The following TMEM178B variants were observed in gnomAD, a reference collection of about 807,000 sequenced individuals.
The protein encoded by TMEM178B is transmembrane protein 178B.
A neutral mutation model predicts 31.0 loss-of-function variants in TMEM178B; 5 were observed. That is an observed-to-expected ratio of 0.16 (90% CI 0.08 to 0.34). The LOEUF is 0.34. Among genes scored for constraint, TMEM178B ranks in the 10% least tolerant of loss-of-function variants. TMEM178B has a pLI of 1.00. For missense variants in TMEM178B, 275 were observed against 400.3 expected, an observed-to-expected ratio of 0.69 and a Z score of 2.67; for synonymous variants, 164 against 164.0, an observed-to-expected ratio of 1.00 and a Z score of 0.00.
chr7:141,129,127 C>G (rs894022173), intron 1 of TMEM178B, among the ~76,000 whole-genome samples: 1 of 152,108 alleles, frequency 6.6e-6, no homozygotes, highest in African/African-American at 2.4e-5. Context: ...TCAGGGATGC[C>G]CTTGAGGGTA....
rs999313338 is a variant in TMEM178B at position 141,461,633 on chromosome 7, G to A, written c.635-8903G>A. ...AATTTTGATGCTGTTTCTCCACAGC[G>A]TCCATTGCTGTGTCATGACTGCCGT... On this transcript the variant is annotated intron_variant, in intron 3 of 3. Transcript: ENST00000565468. This position sits in a 1 kb window ranked among gnomAD's most constrained non-coding sequence, Gnocchi z 4.0. Among the ~76,000 whole-genome samples, 1 of 152,188 alleles carries A rather than the reference G, an allele frequency of 6.6e-6. No homozygotes were observed. The highest frequency in any genetic ancestry group is 2.1e-4 in the South Asian group (1 of 4,828).
rs555948632 is a variant in TMEM178B at position 141,234,737 on chromosome 7, A to G, written c.496+22033A>G. Among the ~76,000 whole-genome samples the G allele has an allele frequency of 9.2e-5, 14 of 152,204 alleles. No homozygotes were observed. In the East Asian group the frequency reaches 2.7e-3, roughly 29 times the overall value. ...CTCAAAATTGTTCTGTGCCATCTGC[A>G]CTCTCGTCTATGTGGCAGAGCCAAG... On this transcript the variant is annotated intron_variant, in intron 2 of 3. Coordinates refer to ENST00000565468, the MANE Select transcript of TMEM178B (RefSeq NM_001195278.2).
At chr7:141,251,708 T>C (rs927820972) in intron 2 of TMEM178B, among the ~76,000 whole-genome samples, 1 of 152,210 alleles carries the variant, frequency 6.6e-6, no homozygotes, top group African/African-American at 2.4e-5. Flanking sequence ...CACCCCGCAT[T>C]GTACCTATTA....
At position 141,281,123 on chromosome 7, in the gene TMEM178B, C is replaced by G. The variant is rs538502674; in HGVS notation, c.496+68419C>G. ...CTTTTTTTTTTGGATTCAAGGCACC[C>G]TGTTACCGGAGAGCCTGTGATAACT... On this transcript the variant is annotated intron_variant, in intron 2 of 3. Transcript: ENST00000565468. Among the ~76,000 whole-genome samples the G allele has an allele frequency of 5.7e-4, 86 of 152,192 alleles. 2 individuals carry two copies. The South Asian group carries it at 0.017, about 30-fold the overall frequency.
chr7:141,468,994 A>G (rs1038499131), intron 3 of TMEM178B, among the ~76,000 whole-genome samples: 5 of 152,170 alleles, frequency 3.3e-5, no homozygotes, highest in African/African-American at 1.2e-4. Context: ...CCTGGCGGGC[A>G]CCATCTTGTT....
chr7:141,494,896 G>A, the TMEM178B span, among the ~76,000 whole-genome samples: 2 of 152,192 alleles, frequency 1.3e-5, no homozygotes, highest in Non-Finnish European at 2.9e-5. Flanking sequence ...GATAATATAG[G>A]AGGTGAGGAA....
the TMEM178B span, among the ~76,000 whole-genome samples, chr7:141,509,388 G>T: frequency 6.6e-6 from 1 of 150,814 alleles, no homozygotes; most frequent in Admixed American, 6.6e-5. Context: ...GGTGGCTCAT[G>T]CATGTAATCC....
In TMEM178B at chr7:141,422,611, GT is replaced by G. The variant is rs1470352396; in HGVS notation, c.497-14994del. Among the ~76,000 whole-genome samples, 94 of 99,758 alleles carry G rather than the reference GT, an allele frequency of 9.4e-4. No individual in the cohort carries two copies. The highest frequency in any genetic ancestry group is 6.3e-3 in the Middle Eastern group (1 of 160). The allele number at this position is 99,758 out of a possible 152,430, so 65.4% of individuals were successfully genotyped here. On this transcript the variant is annotated intron_variant, in intron 2 of 3. Transcript: ENST00000565468. The surrounding 1 kb of genome is among the most constrained non-coding windows in gnomAD (Gnocchi z 4.2). ...GCATGAAACAGCCTCTGGCCTCATT[GT>G]TTCAGGCCACAGCTAGGCACCCTCC...
At chr7:141,154,322 C>A (rs1319303258) in intron 1 of TMEM178B, among the ~76,000 whole-genome samples, 1 of 152,200 alleles carries the variant, frequency 6.6e-6, no homozygotes, top group African/African-American at 2.4e-5. Flanking sequence ...TCAGGCCAGC[C>A]CATGCCACAT....
intron 2 of TMEM178B, among the ~76,000 whole-genome samples, chr7:141,312,098 C>A (rs1322742570): frequency 6.6e-6 from 1 of 152,234 alleles, no homozygotes; most frequent in African/African-American, 2.4e-5. Context: ...TACTTATTCT[C>A]ACATTTCCCA....
rs1032242512 is a variant in TMEM178B, at chr7:141,335,260, C to T, written c.497-102348C>T. 3.3e-5 allele frequency among the ~76,000 whole-genome samples: 5 copies of T among 152,202 alleles called. No individual in the cohort carries two copies. In the South Asian group the frequency reaches 1.0e-3, roughly 32 times the overall value. On this transcript the variant is annotated intron_variant, in intron 2 of 3. Coordinates refer to ENST00000565468, the MANE Select transcript of TMEM178B (RefSeq NM_001195278.2). ...GGGATGAAGCTACCTGGACCCTCAG[C>T]TCAGCTTTCTCCTCCAAGAGAGTTC...
intron 2 of TMEM178B, among the ~76,000 whole-genome samples, chr7:141,233,051 G>A (rs924491553): frequency 1.3e-5 from 2 of 152,134 alleles, no homozygotes; most frequent in Non-Finnish European, 2.9e-5. Flanking sequence ...GCATTGATTC[G>A]AATGTGGTCA....
At chr7:141,359,007 T>C (rs1398480735) in intron 2 of TMEM178B, among the ~76,000 whole-genome samples, 1 of 152,214 alleles carries the variant, frequency 6.6e-6, no homozygotes, top group African/African-American at 2.4e-5. Context: ...GACCAGCTGC[T>C]TTTCATAAAA....
the TMEM178B span, among the ~76,000 whole-genome samples, chr7:141,510,248 A>C: frequency 6.6e-6 from 1 of 152,204 alleles, no homozygotes; most frequent in African/African-American, 2.4e-5. Context: ...TGAGAAGATA[A>C]GATAACTCCC....
chr7:141,165,602 A>C (rs1030570917), intron 1 of TMEM178B, among the ~76,000 whole-genome samples: 1 of 152,112 alleles, frequency 6.6e-6, no homozygotes, highest in African/African-American at 2.4e-5. Context: ...TTCAGCTCAC[A>C]CTCAAGGAAG....
intron 2 of TMEM178B, among the ~76,000 whole-genome samples, chr7:141,434,012 G>A (rs1801487046): frequency 1.3e-5 from 2 of 152,218 alleles, no homozygotes; most frequent in African/African-American, 4.8e-5. Context: ...ATCTGTGTTA[G>A]AGGACAACAG....
At chr7:141,414,886 C>T (rs1222159515) in intron 2 of TMEM178B, 1 of 152,190 alleles carries the variant, frequency 6.6e-6, no homozygotes, top group Non-Finnish European at 1.5e-5. Context: ...TTATTTGCTA[C>T]AAATCAAGCT....
chr7:141,441,394 CA>C (rs1801653810), intron 3 of TMEM178B, among the ~76,000 whole-genome samples: 1 of 152,172 alleles, frequency 6.6e-6, no homozygotes, highest in South Asian at 2.1e-4. Flanking sequence ...ATAGATAGAG[CA>C]GAGCAATCAG....
chr7:141,158,654 ACT>A (rs1190331740), intron 1 of TMEM178B, among the ~76,000 whole-genome samples: 3 of 152,156 alleles, frequency 2.0e-5, no homozygotes, highest in Non-Finnish European at 2.9e-5. Context: ...GGACAGGGTC[ACT>A]CTCTGCCTGG....
Sources: allele counts gnomAD v4.1 joint callset (sites outside exome capture counted in the v4.1 genomes callset), GRCh38; gene constraint gnomAD v4.1.1; non-coding constraint Gnocchi (gnomAD v3.1); transcripts MANE v1.5; gene names NCBI Gene and HGNC (gene_info 2026-07-23, HGNC 2026-07-21).